SPINK8: variants seen among roughly 807,000 people sequenced by gnomAD.
SPINK8 encodes the protein serine peptidase inhibitor Kazal type 8 (putative), also known as serine protease inhibitor Kazal-type 8.
In SPINK8, 12 loss-of-function variants were observed where a neutral mutation model predicts 14.4. The observed-to-expected ratio is 0.83, with a 90% CI of 0.53 to 1.35. The LOEUF is 1.35. Among genes scored for constraint, SPINK8 ranks in the 40% most tolerant of loss-of-function variants. SPINK8 has a pLI of 0.00. For missense variants in SPINK8, 103 were observed against 117.0 expected (o/e 0.88, Z 0.55); for synonymous variants, 32 against 37.6 (o/e 0.85, Z 0.55).
intron 2 of SPINK8, among the ~76,000 whole-genome samples, chr3:48,331,965 G>A (rs931234926): frequency 2.4e-4 from 36 of 152,338 alleles, no homozygotes; most frequent in African/African-American, 8.4e-4. Flanking sequence ...TCCTGCTGCT[G>A]GATCATCTGG....
At chr3:48,328,462 T>C in intron 3 of SPINK8, 108 bp from the exon 4 acceptor site, 1 of 632,956 alleles carries the variant, frequency 1.6e-6, no homozygotes, top group Non-Finnish European at 2.6e-6. Context: ...CTTTGTTCTT[T>C]CCTCAGGTCA....
At chr3:48,313,865 T>C (rs1246188813) in intron 6 of SPINK8, among the ~76,000 whole-genome samples, 1 of 152,162 alleles carries the variant, frequency 6.6e-6, no homozygotes, top group Non-Finnish European at 1.5e-5. Flanking sequence ...CAAAAGATCA[T>C]AGGTTGTATA....
chr3:48,329,672 A>C (rs2107116052), intron 2 of SPINK8, among the ~76,000 whole-genome samples: 1 of 152,184 alleles, frequency 6.6e-6, no homozygotes. Context: ...ATTTATTTTT[A>C]TTTCTTTAGA....
intron 6 of SPINK8, among the ~76,000 whole-genome samples, chr3:48,313,584 A>G (rs2035950921): frequency 6.6e-6 from 1 of 152,250 alleles, no homozygotes; most frequent in South Asian, 2.1e-4. Context: ...ACACAGAATT[A>G]CCATATAACT....
chr3:48,329,059 G>A (rs1338506871), intron 3 of SPINK8, among the ~76,000 whole-genome samples, 94 bp downstream of exon 3: 4 of 151,900 alleles, frequency 2.6e-5, no homozygotes, highest in African/African-American at 9.7e-5. Flanking sequence ...ATTCTATATC[G>A]AGGTAATTTC....
chr3:48,330,298 C>A (rs545392358), intron 2 of SPINK8, among the ~76,000 whole-genome samples: 1 of 152,092 alleles, frequency 6.6e-6, no homozygotes, highest in Non-Finnish European at 1.5e-5. Context: ...GCAGGCGGAT[C>A]GCTTGAGGCT....
intron 7 of SPINK8, among the ~76,000 whole-genome samples, chr3:48,308,175 C>T (rs1560013287): frequency 6.6e-6 from 1 of 151,532 alleles, no homozygotes; most frequent in African/African-American, 2.4e-5. Context: ...TGGGTTTCAC[C>T]GTGTTAGCCA....
At chr3:48,307,046 G>T (rs1405126646) in intron 7 of SPINK8, 43 bp from the exon 8 acceptor site, 2 of 1,604,082 alleles carry the variant, frequency 1.2e-6, no homozygotes, top group African/African-American at 2.7e-5. Context: ...ATTTGAGGAA[G>T]TTAAGAGAAA....
At chr3:48,309,833 C>G in intron 7 of SPINK8, 71 bp downstream of exon 7, 1 of 1,394,852 alleles carries the variant, frequency 7.2e-7, no homozygotes, top group Non-Finnish European at 9.3e-7. Context: ...ATTTAAAACC[C>G]TCTAAAACAG....
intron 4 of SPINK8, among the ~76,000 whole-genome samples, chr3:48,324,293 T>C (rs2036111787): frequency 6.6e-6 from 1 of 152,218 alleles, no homozygotes; most frequent in Non-Finnish European, 1.5e-5. Context: ...AGGATGTTCA[T>C]TAGTAGTGTA....
rs59842343 is a variant in SPINK8 at position 48,321,106 on chromosome 3, C to T, written c.68-32G>A. The T allele has an allele frequency of 7.0e-4, 1,093 of 1,555,686 alleles. 10 individuals carry two copies. The African/African-American group carries it at 0.013, about 18-fold the overall frequency. ...GACAAAAGCACATACAGAAAAGTTG[C>T]TTCTCTGTCTTCTGCCCTCAGCGAA... On this transcript the variant is annotated intron_variant, in intron 4 of 7. Transcript: ENST00000434006.
chr3:48,319,752 A>G (rs891732301), intron 5 of SPINK8, 134 bp from the exon 6 acceptor site: 5 of 1,258,158 alleles, frequency 4.0e-6, no homozygotes, highest in Non-Finnish European at 5.5e-6. Flanking sequence ...CAGAAGCCTC[A>G]GTGTTTGACC....
intron 6 of SPINK8, among the ~76,000 whole-genome samples, chr3:48,314,491 A>T (rs1197301045): frequency 1.3e-5 from 2 of 152,278 alleles, no homozygotes; most frequent in Non-Finnish European, 2.9e-5. Flanking sequence ...AAAAACAACC[A>T]CCCACAATCA....
rs371662346 is a variant in SPINK8, at chr3:48,310,453, C to G, written c.240-507G>C. On this transcript the variant is annotated intron_variant, in intron 6 of 7. Transcript: ENST00000434006. ...GAATCAGTAATAAAAAATGTCCCGA[C>G]AAACACCAGATGGCTTTAGTACTGA... Among the ~76,000 whole-genome samples, 11 of 150,112 alleles carry G rather than the reference C, an allele frequency of 7.3e-5. No homozygotes were observed. The East Asian group carries it at 1.9e-3, about 27-fold the overall frequency.
At chr3:48,331,295 A>G (rs975055734) in intron 2 of SPINK8, among the ~76,000 whole-genome samples, 6 of 152,170 alleles carry the variant, frequency 3.9e-5, no homozygotes, top group African/African-American at 1.4e-4. Flanking sequence ...CTGGTAGTAT[A>G]GCGGCACGGA....
chr3:48,326,715 C>T (rs909987404), intron 4 of SPINK8, among the ~76,000 whole-genome samples: 8 of 151,972 alleles, frequency 5.3e-5, no homozygotes, highest in African/African-American at 1.7e-4. Flanking sequence ...TCGAGACCAC[C>T]CTGGCCAACA....
intron 1 of SPINK8, among the ~76,000 whole-genome samples, chr3:48,332,971 C>T (rs1243659041): frequency 1.3e-5 from 2 of 151,908 alleles, no homozygotes; most frequent in Non-Finnish European, 2.9e-5. Flanking sequence ...CTCTTTGGTT[C>T]ATTGTTTACC....
Position 48,309,941 on chromosome 3 carries a change from T to C in SPINK8, c.245A>G (p.Glu82Gly), listed in dbSNP as rs1419359775. ...DCHLCSKILF[E>G]GLNITKLYDG... The stretch of plus-strand genomic sequence containing the variant: ...ATACAGTTTAGTTATGTTAAGCCCT[T>C]CAAATCTGAAAGAAATTATATTTTA... Residue 82 changes from glutamate to glycine, a missense_variant, in exon 7 of 8, where the codon GAA becomes GGA. Transcript: ENST00000434006. 6 of 1,424,236 alleles carry C rather than the reference T, an allele frequency of 4.2e-6. No homozygotes were observed. Among genetic ancestry groups the C allele is most frequent in the Non-Finnish European group, 5.5e-6 (6 of 1,089,658 alleles). 88.2% of individuals were successfully genotyped at this position (1,424,236 alleles called of 1,614,324 possible). A position where few individuals can be genotyped will look rare whatever the true frequency, so the allele number is the denominator to read the frequency against.
intron 4 of SPINK8, among the ~76,000 whole-genome samples, chr3:48,326,305 A>G (rs2036140519): frequency 6.6e-6 from 1 of 152,138 alleles, no homozygotes; most frequent in Non-Finnish European, 1.5e-5. Flanking sequence ...CTTTTGAAAC[A>G]TTTATCAAAA....
Sources: gnomAD v4.1 joint callset for allele counts (sites outside exome capture counted in the v4.1 genomes callset) on GRCh38, gnomAD v4.1.1 for gene constraint, MANE v1.5 for transcripts, NCBI Gene and HGNC (gene_info 2026-07-23, HGNC 2026-07-21) for gene names.